The following ZNF385D variants were observed in gnomAD, a reference collection of about 807,000 sequenced individuals.
The protein encoded by ZNF385D is zinc finger protein 385D.
Under a neutral mutation model 35.8 loss-of-function variants are expected in ZNF385D, and 15 were observed. The observed-to-expected ratio is 0.42, with a 90% CI of 0.28 to 0.64. The LOEUF is 0.64. ZNF385D is among the 30% of genes least tolerant of loss of function. The probability of loss-of-function intolerance (pLI) is 0.23; values close to 1 mark genes in which losing one functional copy is unlikely to be tolerated. For synonymous variants in ZNF385D, 212 were observed against 186.8 expected, an observed-to-expected ratio of 1.13 and a Z score of -1.10; for missense variants, 474 against 494.6, an observed-to-expected ratio of 0.96 and a Z score of 0.39.
intron 3 of ZNF385D, among the ~76,000 whole-genome samples, chr3:22,048,162 G>A (rs561402439): frequency 9.9e-5 from 15 of 152,042 alleles, no homozygotes; most frequent in African/African-American, 3.6e-4. Flanking sequence ...TGGGTGGTTT[G>A]CAAACATTTT....
chr3:21,541,446 T>C (rs1290902330), intron 3 of ZNF385D, among the ~76,000 whole-genome samples: 3 of 152,182 alleles, frequency 2.0e-5, no homozygotes, highest in Non-Finnish European at 4.4e-5. Context: ...GTAAATTATT[T>C]CATCACAATT....
chr3:22,264,191 A>T (rs1400079586), intron 2 of ZNF385D, among the ~76,000 whole-genome samples: 1 of 151,980 alleles, frequency 6.6e-6, no homozygotes, highest in African/African-American at 2.4e-5. Context: ...CTTGGCAGAA[A>T]TTCAGTAAGT....
intron 2 of ZNF385D, among the ~76,000 whole-genome samples, chr3:22,310,538 T>A (rs1386659557): frequency 1.3e-5 from 2 of 151,988 alleles, no homozygotes; most frequent in African/African-American, 4.8e-5. Flanking sequence ...GTTTCATTGC[T>A]GGTTAGTTGC....
intron 1 of ZNF385D, among the ~76,000 whole-genome samples, chr3:21,713,875 G>C (rs2068212302): frequency 6.6e-6 from 1 of 152,062 alleles, no homozygotes; most frequent in Non-Finnish European, 1.5e-5. Context: ...AAGTTTACAT[G>C]TCACTCTCCT....
chr3:21,974,266 T>G (rs1399322249), intron 3 of ZNF385D, among the ~76,000 whole-genome samples: 1 of 151,658 alleles, frequency 6.6e-6, no homozygotes, highest in Non-Finnish European at 1.5e-5. Context: ...CAGAAATAAA[T>G]CCATACATCT....
chr3:21,887,185 T>C (rs981571804), intron 3 of ZNF385D, among the ~76,000 whole-genome samples: 1 of 152,192 alleles, frequency 6.6e-6, no homozygotes, highest in Non-Finnish European at 1.5e-5. Flanking sequence ...TTCCGTAGTT[T>C]GTGAAGTGAC....
At chr3:22,255,023 G>A (rs1700243108) in intron 2 of ZNF385D, among the ~76,000 whole-genome samples, 1 of 151,768 alleles carries the variant, frequency 6.6e-6, no homozygotes, top group African/African-American at 2.4e-5. Context: ...TCAGAACAAT[G>A]TGCAAACATG....
chr3:22,156,287 T>C (rs1014891962), intron 3 of ZNF385D, among the ~76,000 whole-genome samples: 1 of 152,160 alleles, frequency 6.6e-6, no homozygotes. Context: ...GAATAAAGTA[T>C]ACATACTCGG....
At chr3:21,629,764 C>G (rs905734479) in intron 2 of ZNF385D, among the ~76,000 whole-genome samples, 1 of 152,122 alleles carries the variant, frequency 6.6e-6, no homozygotes, top group African/African-American at 2.4e-5. Flanking sequence ...ATACACATCA[C>G]AAACTCATCT....
intron 3 of ZNF385D, among the ~76,000 whole-genome samples, chr3:21,871,800 G>A (rs981317298): frequency 6.6e-6 from 1 of 152,010 alleles, no homozygotes; most frequent in Non-Finnish European, 1.5e-5. Flanking sequence ...GAGGTCAGGA[G>A]TTTGAGACCA....
chr3:22,185,259 CAAATT>C (rs978542891), intron 2 of ZNF385D, among the ~76,000 whole-genome samples: 2 of 151,976 alleles, frequency 1.3e-5, no homozygotes, highest in Non-Finnish European at 2.9e-5. Context: ...ACATTTGAGC[CAAATT>C]AAATGGCATA....
At chr3:21,989,882 A>G (rs934548643) in intron 3 of ZNF385D, among the ~76,000 whole-genome samples, 4 of 152,142 alleles carry the variant, frequency 2.6e-5, no homozygotes, top group Non-Finnish European at 4.4e-5. Flanking sequence ...TTGAGTGAGA[A>G]TTTCTTTCTG....
upstream of ZNF385D, among the ~76,000 whole-genome samples, chr3:21,752,586 T>C (rs2070153614): frequency 6.6e-6 from 1 of 152,100 alleles, no homozygotes; most frequent in African/African-American, 2.4e-5. Flanking sequence ...CAATGAACAA[T>C]ATCCTCTCTC....
intron 3 of ZNF385D, among the ~76,000 whole-genome samples, chr3:21,844,649 T>C (rs541800038): frequency 6.6e-6 from 1 of 152,136 alleles, no homozygotes; most frequent in Non-Finnish European, 1.5e-5. Flanking sequence ...CATGACATCA[T>C]TTTTAAAGTT....
chr3:22,131,355 A>G (rs1452254979), intron 3 of ZNF385D, among the ~76,000 whole-genome samples: 1 of 152,110 alleles, frequency 6.6e-6, no homozygotes, highest in Non-Finnish European at 1.5e-5. Flanking sequence ...AGCAATGCCT[A>G]TTTGGAGTAG....
intron 3 of ZNF385D, among the ~76,000 whole-genome samples, chr3:22,028,893 T>C (rs1208705677): frequency 6.6e-6 from 1 of 152,072 alleles, no homozygotes; most frequent in Non-Finnish European, 1.5e-5. Flanking sequence ...TGGGGCAAAG[T>C]TCTCTAGAAG....
chr3:22,022,639 C>T (rs547083419), intron 3 of ZNF385D, among the ~76,000 whole-genome samples: 9 of 152,194 alleles, frequency 5.9e-5, no homozygotes, highest in South Asian at 2.1e-4. Flanking sequence ...AGAAATCTAT[C>T]GTCCCAGAAA....
At chr3:22,316,803 A>G (rs1292329291) in intron 2 of ZNF385D, among the ~76,000 whole-genome samples, 1 of 152,204 alleles carries the variant, frequency 6.6e-6, no homozygotes, top group Non-Finnish European at 1.5e-5. Context: ...AGACAAGGGA[A>G]TATTGGGGTT....
chr3:22,033,565 G>A (rs1424131159), intron 3 of ZNF385D, among the ~76,000 whole-genome samples: 10 of 151,966 alleles, frequency 6.6e-5, no homozygotes, highest in African/African-American at 2.4e-4. Context: ...GTCACAGAAG[G>A]AGGTAGTATC....
Sources: gnomAD v4.1 joint callset for allele counts (sites outside exome capture counted in the v4.1 genomes callset) on GRCh38, gnomAD v4.1.1 for gene constraint, MANE v1.5 for transcripts, NCBI Gene and HGNC (gene_info 2026-07-23, HGNC 2026-07-21) for gene names.